Variants in TPR observed in about 807,000 individuals in gnomAD.
TPR encodes the protein nucleoprotein TPR.
A neutral mutation model predicts 316.1 loss-of-function variants in TPR; 51 were observed. The observed-to-expected ratio is 0.16, with a 90% confidence interval of 0.13 to 0.20. The LOEUF (loss-of-function observed/expected upper bound fraction) is 0.20. Ranked by LOEUF, TPR falls within the 10% of genes least tolerant of loss-of-function variation. TPR has a pLI of 1.00. For missense variants in TPR, 2,272 were observed against 2,754.8 expected (o/e 0.82, Z 3.92); for synonymous variants, 981 against 914.7 (o/e 1.07, Z -1.31).
intron 3 of TPR, 142 bp from the exon 4 acceptor site, chr1:186,368,124 T>TA: frequency 1.8e-6 from 1 of 563,482 alleles, no homozygotes; most frequent in Non-Finnish European, 3.1e-6. Flanking sequence ...AGTTAAAAAA[T>TA]ACCCGTAATT....
At chr1:186,360,665 A>G (rs1173421037) in intron 10 of TPR, 100 bp downstream of exon 10, 1 of 1,480,420 alleles carries the variant, frequency 6.8e-7, no homozygotes, top group Non-Finnish European at 9.2e-7. Context: ...AGTTTCCTAC[A>G]TCACAGCATG....
At chr1:186,355,873 CTT>C in intron 15 of TPR, 105 bp from the exon 16 acceptor site, 1 of 1,335,904 alleles carries the variant, frequency 7.5e-7, no homozygotes, top group African/African-American at 1.5e-5. Context: ...ACAAGCTAAA[CTT>C]ATTGAAATGA....
chr1:186,339,556 A>C, intron 30 of TPR, 86 bp downstream of exon 30: 1 of 1,175,504 alleles, frequency 8.5e-7, no homozygotes, highest in Non-Finnish European at 1.1e-6. Flanking sequence ...TTCTAAAACC[A>C]GGAGGCAGGC....
At position 186,350,371 on chromosome 1, in the gene TPR, T is replaced by C. The variant is rs372417524; in HGVS notation, c.2628A>G (p.Thr876=). Reference sequence around the variant, plus strand: ...TTGTCTCTGTATCCAGTTGTCTCTTTGTATCTAAAAGTTGAACCTATAAAA... The same window carrying C: ...TTGTCTCTGTATCCAGTTGTCTCTTCGTATCTAAAAGTTGAACCTATAAAA... ...TRNLDVQLLD[T]KRQLDTETNL... Residue 876 remains threonine, a synonymous_variant, in exon 21 of 51, where the codon ACA becomes ACG. Transcript: ENST00000367478. 26 of 1,602,690 alleles carry C rather than the reference T, an allele frequency of 1.6e-5. No individual in the cohort carries two copies. The Admixed American group carries it at 4.0e-4, about 24-fold the overall frequency.
chr1:186,337,932 T>G (rs16825185), intron 31 of TPR, 101 bp downstream of exon 31: 156,704 of 934,526 alleles, frequency 0.17, 14,247 homozygotes, highest in African/African-American at 0.29. Context: ...GCTTACACGA[T>G]TTCGGTATCT....
rs1657797475 is a variant in TPR, at chr1:186,322,352, GCAC to G, written c.6424_6426del (p.Val2142del). 1.2e-6 allele frequency: 2 copies of G among 1,612,936 alleles called. No homozygotes were observed. The highest frequency in any genetic ancestry group is 2.2e-5 in the South Asian group (2 of 90,850). ...TCAGCAAATCCATCAGTACGATGTG[GCAC>G]CACAAGAGTTGGAGTACTTGGAACT... On this transcript the variant is annotated inframe_deletion, in exon 45 of 51. Coordinates refer to ENST00000367478, the MANE Select transcript of TPR (RefSeq NM_003292.3).
chr1:186,366,584 T>A lies in TPR; in HGVS notation c.427+1302A>T, dbSNP rs192830961. The stretch of plus-strand genomic sequence containing the variant: ...GGTCAACTGTAGTTCTCAACTCTCT[T>A]ATTTTAACTTGTTTCTGCCATAGTT... On this transcript the variant is annotated intron_variant, in intron 4 of 50. Coordinates refer to ENST00000367478, the MANE Select transcript of TPR (RefSeq NM_003292.3). Among the ~76,000 whole-genome samples the A allele has an allele frequency of 3.6e-4, 55 of 152,318 alleles. No individual in the cohort carries two copies. In the East Asian group the frequency reaches 9.8e-3, roughly 27 times the overall value.
At position 186,367,951 on chromosome 1, in the gene TPR, T is replaced by C. The variant is rs771277527; in HGVS notation, c.362A>G (p.Glu121Gly). Residue 121 changes from glutamate to glycine, a missense_variant, in exon 4 of 51, where the codon GAA becomes GGA. By Grantham distance (98) the Glu-to-Gly change is moderately conservative. Transcript: ENST00000367478. ...TCTAATTAAGTCTCTTTTCTCAGCT[T>C]CTAATTCTTCCTTTGTTCTTGTAAA... ...SQFTRTKEEL[E>G]AEKRDLIRTN... is the part of the protein sequence containing the mutation. The C allele has an allele frequency of 3.7e-6, 6 of 1,610,918 alleles. No individual in the cohort carries two copies. In the Admixed American group the frequency reaches 8.3e-5, roughly 22 times the overall value.
At chr1:186,366,233 A>T (rs980291826) in intron 4 of TPR, among the ~76,000 whole-genome samples, 2 of 152,230 alleles carry the variant, frequency 1.3e-5, no homozygotes, top group Non-Finnish European at 2.9e-5. Context: ...AACCTGACCC[A>T]GCAAGACCAA....
At chr1:186,325,155 C>T (rs958709135) in intron 42 of TPR, among the ~76,000 whole-genome samples, 3 of 152,086 alleles carry the variant, frequency 2.0e-5, no homozygotes, top group Non-Finnish European at 4.4e-5. Context: ...TAAGGTTTTA[C>T]TATGTCAACA....
At chr1:186,367,059 CCTT>C (rs1659369016) in intron 4 of TPR, among the ~76,000 whole-genome samples, 1 of 134,396 alleles carries the variant, frequency 7.4e-6, no homozygotes, top group Non-Finnish European at 1.6e-5. Context: ...ACCCAAAACA[CCTT>C]TTTTTTTTTT....
At chr1:186,344,753 C>G (rs1212569317) in intron 24 of TPR, among the ~76,000 whole-genome samples, 175 bp from the exon 25 acceptor site, 1 of 152,040 alleles carries the variant, frequency 6.6e-6, no homozygotes, top group East Asian at 1.9e-4. Flanking sequence ...TATTATAAAA[C>G]TGTCAGAAAT....
At chr1:186,326,293 C>A in intron 40 of TPR, 58 bp from the exon 41 acceptor site, 1 of 1,547,204 alleles carries the variant, frequency 6.5e-7, no homozygotes, top group Non-Finnish European at 8.7e-7. Context: ...ACATGCTCTG[C>A]ATGTCTAGAT....
At chr1:186,336,150 A>G (rs187784193) in intron 33 of TPR, among the ~76,000 whole-genome samples, 2 of 152,224 alleles carry the variant, frequency 1.3e-5, no homozygotes, top group African/African-American at 4.8e-5. Flanking sequence ...GCTGGTAAAG[A>G]TCTTTATGCA....
At chr1:186,348,866 A>G (rs1658761956) in intron 21 of TPR, among the ~76,000 whole-genome samples, 1 of 152,170 alleles carries the variant, frequency 6.6e-6, no homozygotes, top group Admixed American at 6.5e-5. Flanking sequence ...TAGGCAGAAA[A>G]CTGTAAATTG....
At chr1:186,369,491 G>A (rs1163533325) in intron 3 of TPR, among the ~76,000 whole-genome samples, 1 of 151,800 alleles carries the variant, frequency 6.6e-6, no homozygotes, top group Non-Finnish European at 1.5e-5. Flanking sequence ...TTCCTAAGTT[G>A]TTTTTTGATG....
chr1:186,330,522 T>C (rs891412417), intron 39 of TPR, among the ~76,000 whole-genome samples: 4 of 152,100 alleles, frequency 2.6e-5, no homozygotes, highest in African/African-American at 9.7e-5. Flanking sequence ...AAAGTGAACA[T>C]GGGATGTATA....
intron 4 of TPR, 49 bp from the exon 5 acceptor site, chr1:186,363,494 G>A: frequency 8.2e-7 from 1 of 1,224,880 alleles, no homozygotes; most frequent in South Asian, 1.3e-5. Context: ...AACACTCAGG[G>A]GAACCAAATA....
chr1:186,347,068 C>G (rs933227162), intron 22 of TPR, among the ~76,000 whole-genome samples: 2 of 152,172 alleles, frequency 1.3e-5, no homozygotes, highest in Non-Finnish European at 2.9e-5. Context: ...GTCTCCTCAA[C>G]ATTTTATCTG....
Sources: allele counts gnomAD v4.1 joint callset (sites outside exome capture counted in the v4.1 genomes callset), GRCh38; gene constraint gnomAD v4.1.1; transcripts MANE v1.5; gene names NCBI Gene and HGNC (gene_info 2026-07-23, HGNC 2026-07-21).